The following SETD7 variants were observed in gnomAD, a reference collection of about 807,000 sequenced individuals.
SETD7 encodes SET domain containing 7, histone lysine methyltransferase.
SETD7 carries 16 observed loss-of-function variants against 41.8 expected under a neutral mutation model. That is an observed-to-expected ratio of 0.38 (90% CI 0.26 to 0.58). The LOEUF (loss-of-function observed/expected upper bound fraction) is 0.58, where lower values mean the gene tolerates loss of function less well. SETD7 is among the 20% of genes least tolerant of loss of function. The probability of loss-of-function intolerance (pLI) is 0.64; values close to 1 mark genes in which losing one functional copy is unlikely to be tolerated. For synonymous variants in SETD7, 163 were observed against 169.7 expected, an observed-to-expected ratio of 0.96 and a Z score of 0.31; for missense variants, 346 against 459.7, an observed-to-expected ratio of 0.75 and a Z score of 2.26.
rs970757020 is a variant in SETD7, at chr4:139,506,504, A to C, written c.*5159T>G. On this transcript the variant is annotated 3_prime_UTR_variant, in exon 8 of 8. Transcript: ENST00000274031. ...GAAGGGAGCTCAGAATCATGGACAT[A>C]ATTTTCCTATGTGATAAGCAGGTAT... 1 of 152,566 alleles carries C rather than the reference A, an allele frequency of 6.6e-6. No homozygotes were observed. The highest frequency in any genetic ancestry group is 1.9e-4 in the East Asian group (1 of 5,190). 9.5% of individuals were successfully genotyped at this position (152,566 alleles called of 1,614,324 possible).
chr4:139,516,283 T>G (rs1463886402), intron 7 of SETD7, among the ~76,000 whole-genome samples: 50 of 6,552 alleles, frequency 7.6e-3, no homozygotes, highest in Non-Finnish European at 0.027. Flanking sequence ...CTGGCCAACA[T>G]GGTGAAACCC....
intron 4 of SETD7, among the ~76,000 whole-genome samples, chr4:139,528,241 A>G (rs1727387648): frequency 6.6e-6 from 1 of 152,256 alleles, no homozygotes; most frequent in Non-Finnish European, 1.5e-5. Context: ...AAGGAAAATA[A>G]TACTTTTTTC....
intron 4 of SETD7, among the ~76,000 whole-genome samples, chr4:139,525,329 C>A (rs1215819384): frequency 6.6e-6 from 1 of 152,222 alleles, no homozygotes; most frequent in Non-Finnish European, 1.5e-5. Flanking sequence ...TCTTCCAATG[C>A]CTACTGTCTC....
intron 2 of SETD7, among the ~76,000 whole-genome samples, chr4:139,542,281 G>T (rs538918207): frequency 2.0e-5 from 3 of 151,890 alleles, no homozygotes; most frequent in African/African-American, 7.3e-5. Context: ...TTGGTCAACA[G>T]GTACAAAGTT....
rs1179050948 is a variant in SETD7, at chr4:139,512,555, T to C, written c.921-712A>G. Among the ~76,000 whole-genome samples the C allele has an allele frequency of 2.6e-5, 4 of 152,166 alleles. 1 individual carries two copies. The East Asian group carries it at 7.7e-4, about 29-fold the overall frequency. ...GGTTAACACTATGGCTATGTTCATT[T>C]GCCGAAGGCTCCCAATCCTGTTCAT... On this transcript the variant is annotated intron_variant, in intron 7 of 7. Coordinates refer to ENST00000274031, the MANE Select transcript of SETD7 (RefSeq NM_030648.4).
chr4:139,538,105 T>C lies in SETD7; in HGVS notation c.171-4739A>G, dbSNP rs564895386. On this transcript the variant is annotated intron_variant, in intron 2 of 7. Transcript: ENST00000274031. ...TTATGAAACACTGAAATAAAGAAATTTATAAAACTGCATTAAATCTATTTT... is the reference window on the plus strand; with the variant it reads ...TTATGAAACACTGAAATAAAGAAATCTATAAAACTGCATTAAATCTATTTT... 1.1e-4 allele frequency among the ~76,000 whole-genome samples: 16 copies of C among 152,266 alleles called. No homozygotes were observed. In the East Asian group the frequency reaches 2.9e-3, roughly 28 times the overall value.
chr4:139,494,260 T>C (rs1421648208), downstream of SETD7, among the ~76,000 whole-genome samples: 1 of 152,182 alleles, frequency 6.6e-6, no homozygotes, highest in Non-Finnish European at 1.5e-5. Context: ...TGAGTCCAGA[T>C]CTTTTCATCT....
chr4:139,501,891 G>A (rs914475222), downstream of SETD7, among the ~76,000 whole-genome samples: 25 of 152,200 alleles, frequency 1.6e-4, no homozygotes, highest in African/African-American at 2.4e-4. Flanking sequence ...GGCTCTTCAC[G>A]GGGGACTGCT....
downstream of SETD7, among the ~76,000 whole-genome samples, chr4:139,503,500 G>T (rs990863847): frequency 3.3e-5 from 5 of 152,070 alleles, no homozygotes; most frequent in Admixed American, 3.3e-4. Flanking sequence ...CTGTAAAATG[G>T]TGTGGTAACA....
At chr4:139,545,450 C>T (rs6828434) in intron 2 of SETD7, among the ~76,000 whole-genome samples, 38,186 of 151,970 alleles carry the variant, frequency 0.25, 5,029 homozygotes, top group East Asian at 0.47. Flanking sequence ...CTGAAATGGG[C>T]CTCTATGGCA....
intron 7 of SETD7, among the ~76,000 whole-genome samples, chr4:139,500,823 C>T (rs571738281): frequency 2.6e-5 from 4 of 152,260 alleles, no homozygotes; most frequent in East Asian, 1.9e-4. Flanking sequence ...CACTGCACCT[C>T]GCACTCTGAG....
downstream of SETD7, among the ~76,000 whole-genome samples, chr4:139,501,783 G>A (rs1275626908): frequency 3.3e-5 from 5 of 152,146 alleles, no homozygotes; most frequent in Non-Finnish European, 5.9e-5. Flanking sequence ...AAACAATCGA[G>A]AACACACAAT....
intron 2 of SETD7, among the ~76,000 whole-genome samples, chr4:139,544,230 C>T (rs1205782462): frequency 6.6e-6 from 1 of 151,014 alleles, no homozygotes; most frequent in East Asian, 1.9e-4. Flanking sequence ...GAGGTTGAAG[C>T]TGCAGTGAGC....
chr4:139,504,815 A>G (rs1433693179), downstream of SETD7, among the ~76,000 whole-genome samples: 2 of 152,202 alleles, frequency 1.3e-5, no homozygotes, highest in African/African-American at 2.4e-5. Context: ...GCCCAAATCA[A>G]TCATCTTAAC....
chr4:139,551,128 T>A (rs1579227656), intron 1 of SETD7, among the ~76,000 whole-genome samples: 1 of 152,216 alleles, frequency 6.6e-6, no homozygotes, highest in South Asian at 2.1e-4. Context: ...CAACAGCATG[T>A]CCCGGTTGCA....
chr4:139,506,457 C>T lies in SETD7; in HGVS notation c.*5206G>A, dbSNP rs1726705842. On this transcript the variant is annotated 3_prime_UTR_variant, in exon 8 of 8. Coordinates refer to ENST00000274031, the MANE Select transcript of SETD7 (RefSeq NM_030648.4). ...TTCAGGATAAAGAGAGAACATAGAA[C>T]ACCCAGGAGGAAACTTTTGAAGAAG... 6.5e-6 allele frequency: 1 copy of T among 152,712 alleles called. No homozygotes were observed. The highest frequency in any genetic ancestry group is 1.5e-5 in the Non-Finnish European group (1 of 68,034). 9.5% of individuals were successfully genotyped at this position (152,712 alleles called of 1,614,324 possible).
chr4:139,524,927 C>T (rs1233055403), intron 4 of SETD7, among the ~76,000 whole-genome samples: 1 of 152,146 alleles, frequency 6.6e-6, no homozygotes, highest in Non-Finnish European at 1.5e-5. Context: ...AGCGATTCTC[C>T]TGCCTCAGCC....
Position 139,509,958 on chromosome 4 carries a change from G to T in SETD7, c.*1705C>A. 1.1e-6 allele frequency: 1 copy of T among 900,872 alleles called. No homozygotes were observed. The highest frequency in any genetic ancestry group is 1.3e-6 in the Non-Finnish European group (1 of 752,912). 55.8% of individuals were successfully genotyped at this position (900,872 alleles called of 1,614,324 possible). ...AGCATGCAACCGGGTGCTCTAGGAA[G>T]CCTGGTGTTGCAAAGAAGGGAAGGG... On this transcript the variant is annotated 3_prime_UTR_variant, in exon 8 of 8. Transcript: ENST00000274031.
chr4:139,537,027 G>A (rs1406042483), intron 2 of SETD7, among the ~76,000 whole-genome samples: 2 of 152,100 alleles, frequency 1.3e-5, no homozygotes, highest in African/African-American at 4.8e-5. Context: ...CCAGGCTGGA[G>A]TGCAACGGCA....
Sources: allele counts gnomAD v4.1 joint callset (sites outside exome capture counted in the v4.1 genomes callset), GRCh38; gene constraint gnomAD v4.1.1; transcripts MANE v1.5; gene names NCBI Gene and HGNC (gene_info 2026-07-23, HGNC 2026-07-21).